Variants in LOC122539214 observed in about 807,000 individuals in gnomAD.
chr19:52,685,620 G>A, the LOC122539214 span, among the ~76,000 whole-genome samples: 1 of 152,100 alleles, frequency 6.6e-6, no homozygotes, highest in Non-Finnish European at 1.5e-5. Flanking sequence ...TGGGTGGTCA[G>A]GCACGGTAGC....
At chr19:52,681,298 A>AAAAAAAAAAAAAAAAAAAAAAC in the LOC122539214 span, among the ~76,000 whole-genome samples, 1 of 151,040 alleles carries the variant, frequency 6.6e-6, no homozygotes, top group Non-Finnish European at 1.5e-5. Flanking sequence ...AAAAAAAAAA[A>AAAAAAAAAAAAAAAAAAAAAAC]AAAGCAAACG....
the LOC122539214 span, among the ~76,000 whole-genome samples, chr19:52,659,344 C>T: frequency 1.1e-4 from 16 of 151,944 alleles, no homozygotes; most frequent in African/African-American, 3.6e-4. Context: ...GGTGCCCACT[C>T]GAGGTTACCA....
the LOC122539214 span, among the ~76,000 whole-genome samples, chr19:52,662,874 C>A: frequency 2.6e-5 from 4 of 151,978 alleles, no homozygotes; most frequent in African/African-American, 9.7e-5. Context: ...TAGAAAATTG[C>A]AGGATGGGCC....
At chr19:52,687,598 TGTATATATATATAATGTG>T in the LOC122539214 span, among the ~76,000 whole-genome samples, 48 of 25,354 alleles carry the variant, frequency 1.9e-3, 1 homozygote, top group African/African-American at 0.016. Context: ...ATATATATAA[TGTATATATATATAATGTG>T]TATATATATA....
At chr19:52,660,430 C>CT in the LOC122539214 span, among the ~76,000 whole-genome samples, 1 of 144,718 alleles carries the variant, frequency 6.9e-6, no homozygotes, top group Non-Finnish European at 1.5e-5. Flanking sequence ...ACCAGCCTGG[C>CT]CAACATGGTG....
the LOC122539214 span, among the ~76,000 whole-genome samples, chr19:52,684,059 C>T: frequency 6.6e-6 from 1 of 152,090 alleles, no homozygotes; most frequent in African/African-American, 2.4e-5. Context: ...CATGGTGAAA[C>T]CCTGTCTCTA....
chr19:52,676,663 TG>T, the LOC122539214 span, among the ~76,000 whole-genome samples: 1 of 139,808 alleles, frequency 7.2e-6, no homozygotes, highest in Non-Finnish European at 1.6e-5. Context: ...AGGATGACAA[TG>T]GCGGCTTTGT....
At chr19:52,684,566 GGAAA>G in the LOC122539214 span, among the ~76,000 whole-genome samples, 2 of 122,588 alleles carry the variant, frequency 1.6e-5, no homozygotes, top group African/African-American at 3.1e-5. Context: ...GAAAAAAAAA[GGAAA>G]GAAAGAAAAA....
chr19:52,655,623 G>A, the LOC122539214 span: 1 of 1,485,462 alleles, frequency 6.7e-7, no homozygotes, highest in Admixed American at 1.7e-5. Flanking sequence ...CCTCTGTGCA[G>A]GGTTCAGGCA....
At chr19:52,674,127 C>G in the LOC122539214 span, 2 of 151,950 alleles carry the variant, frequency 1.3e-5, no homozygotes, top group Non-Finnish European at 2.9e-5. Context: ...ACCAAATCCA[C>G]AGGTTAAAAA....
At chr19:52,682,785 T>C in the LOC122539214 span, among the ~76,000 whole-genome samples, 9 of 152,162 alleles carry the variant, frequency 5.9e-5, no homozygotes, top group African/African-American at 2.2e-4. Context: ...TGGGGATCAC[T>C]TGAGCCCAGG....
the LOC122539214 span, among the ~76,000 whole-genome samples, chr19:52,666,618 C>CAAA: frequency 9.5e-6 from 1 of 105,794 alleles, no homozygotes; most frequent in Admixed American, 1.0e-4. Context: ...TATCCTAAGT[C>CAAA]AAAAAAAAAA....
At chr19:52,660,122 GGTGGTAAGAATCA>G in the LOC122539214 span, among the ~76,000 whole-genome samples, 1 of 69,860 alleles carries the variant, frequency 1.4e-5, no homozygotes, top group Admixed American at 2.2e-4. Context: ...GTAAGACCAT[GGTGGTAAGAATCA>G]TGGTGGTAAG....
the LOC122539214 span, chr19:52,652,653 T>C: frequency 1.9e-6 from 1 of 532,262 alleles, no homozygotes; most frequent in East Asian, 5.0e-5. Flanking sequence ...AAGATCTCTC[T>C]TCATTATGGA....
chr19:52,685,897 CAAAAAAAAAA>C, the LOC122539214 span, among the ~76,000 whole-genome samples: 35 of 132,544 alleles, frequency 2.6e-4, no homozygotes, highest in South Asian at 3.1e-3. Flanking sequence ...GTAACTGTCA[CAAAAAAAAAA>C]AAAAAAAAAA....
At chr19:52,663,747 T>C in the LOC122539214 span, among the ~76,000 whole-genome samples, 2 of 152,168 alleles carry the variant, frequency 1.3e-5, no homozygotes, top group African/African-American at 4.8e-5. Context: ...AGAAAAACAA[T>C]TTTAAAATGG....
chr19:52,655,465 A>G, the LOC122539214 span: 1 of 1,150,924 alleles, frequency 8.7e-7, no homozygotes, highest in Non-Finnish European at 1.3e-6. Context: ...CATCAAAAGC[A>G]TGTATGCGGC....
At chr19:52,683,228 CTGTGTGTGTGTGTGTGTG>C in the LOC122539214 span, among the ~76,000 whole-genome samples, 3,831 of 128,030 alleles carry the variant, frequency 0.03, 135 homozygotes, top group African/African-American at 0.096. Context: ...CCCTGTGACT[CTGTGTGTGTGTGTGTGTG>C]TGTGTGTGTG....
the LOC122539214 span, chr19:52,652,115 TG>T: frequency 4.2e-6 from 1 of 237,348 alleles, no homozygotes; most frequent in Non-Finnish European, 8.3e-6. Flanking sequence ...ATAGATTCCC[TG>T]ATGTCTAATG....
Sources: allele counts gnomAD v4.1 joint callset (sites outside exome capture counted in the v4.1 genomes callset), GRCh38; gene constraint gnomAD v4.1.1; transcripts MANE v1.5.